The following OXR1 variants were observed in gnomAD, a reference collection of about 807,000 sequenced individuals.
OXR1 encodes the protein oxidation resistance protein 1.
A neutral mutation model predicts 104.6 loss-of-function variants in OXR1; 41 were observed. The ratio of observed to expected loss-of-function variants is 0.39; its 90% confidence interval spans 0.31 to 0.51. OXR1 has a LOEUF of 0.51. Ranked by LOEUF, OXR1 falls within the 20% of genes least tolerant of loss-of-function variation. OXR1 has a pLI of 0.77. For synonymous variants in OXR1, 348 were observed against 348.4 expected (o/e 1.00, Z 0.01); for missense variants, 955 against 1,031.9 (o/e 0.93, Z 1.02).
intron 1 of OXR1, among the ~76,000 whole-genome samples, chr8:106,274,420 C>T (rs965248635): frequency 1.2e-4 from 18 of 152,162 alleles, no homozygotes; most frequent in Admixed American, 1.3e-4. Context: ...CACCATTCCA[C>T]CCATTTTTGT....
At chr8:106,455,439 T>G (rs1015225478) in intron 2 of OXR1, among the ~76,000 whole-genome samples, 2 of 152,178 alleles carry the variant, frequency 1.3e-5, no homozygotes, top group African/African-American at 4.8e-5. Context: ...AAAGTCTCAG[T>G]TGAAATACTG....
chr8:106,276,121 C>G (rs884176), intron 1 of OXR1, among the ~76,000 whole-genome samples: 49,614 of 152,086 alleles, frequency 0.33, 12,135 homozygotes, highest in African/African-American at 0.69. Context: ...CTGATTTTGT[C>G]ATTCAGAATT....
intron 2 of OXR1, among the ~76,000 whole-genome samples, chr8:106,379,068 A>T (rs1817023949): frequency 6.6e-6 from 1 of 152,298 alleles, no homozygotes; most frequent in Non-Finnish European, 1.5e-5. Flanking sequence ...AACTAAGTTG[A>T]TTAGTATAGC....
chr8:106,295,713 G>A (rs1353062531), intron 1 of OXR1, among the ~76,000 whole-genome samples: 4 of 152,100 alleles, frequency 2.6e-5, no homozygotes, highest in Non-Finnish European at 5.9e-5. Context: ...AAGCTACGGT[G>A]TTTTCCATTC....
chr8:106,366,646 T>A (rs1055871408), intron 2 of OXR1, among the ~76,000 whole-genome samples: 1 of 152,220 alleles, frequency 6.6e-6, no homozygotes, highest in African/African-American at 2.4e-5. Flanking sequence ...AGGAGAACTC[T>A]GTGTGATAGG....
At chr8:106,487,249 C>A (rs1810727957) in intron 2 of OXR1, among the ~76,000 whole-genome samples, 1 of 151,664 alleles carries the variant, frequency 6.6e-6, no homozygotes, top group Non-Finnish European at 1.5e-5. Flanking sequence ...GTCTCGAACT[C>A]CTGACCTCAG....
chr8:106,352,110 G>A (rs1815751058), intron 1 of OXR1, among the ~76,000 whole-genome samples: 1 of 152,128 alleles, frequency 6.6e-6, no homozygotes, highest in Non-Finnish European at 1.5e-5. Flanking sequence ...AAACTGGAAA[G>A]GGGGGCTGGT....
At chr8:106,396,996 G>A (rs1586602068) in intron 2 of OXR1, among the ~76,000 whole-genome samples, 2 of 151,978 alleles carry the variant, frequency 1.3e-5, no homozygotes, top group African/African-American at 4.8e-5. Flanking sequence ...AAAACCCCCA[G>A]CAATTTGCAG....
intron 2 of OXR1, among the ~76,000 whole-genome samples, chr8:106,361,385 A>G (rs1011183690): frequency 1.3e-5 from 2 of 152,166 alleles, no homozygotes; most frequent in Admixed American, 6.5e-5. Context: ...GATTCTAGCT[A>G]GTGTTCTGCA....
At chr8:106,337,627 C>G (rs1373571083) in intron 1 of OXR1, among the ~76,000 whole-genome samples, 2 of 152,204 alleles carry the variant, frequency 1.3e-5, no homozygotes, top group African/African-American at 4.8e-5. Context: ...TTAAAAAATA[C>G]TTAAACATTG....
At chr8:106,698,247 A>G (rs560955510) in intron 7 of OXR1, among the ~76,000 whole-genome samples, 147 of 152,312 alleles carry the variant, frequency 9.7e-4, no homozygotes, top group African/African-American at 3.4e-3. Context: ...GTGTTTTTCT[A>G]AAGTGAAGTC....
intron 2 of OXR1, among the ~76,000 whole-genome samples, chr8:106,415,711 C>A (rs1278783044): frequency 1.3e-5 from 2 of 152,074 alleles, no homozygotes; most frequent in African/African-American, 4.8e-5. Context: ...GTTCTACTCA[C>A]ACTTATTGCT....
At chr8:106,553,981 T>C (rs1302464083) in intron 3 of OXR1, among the ~76,000 whole-genome samples, 1 of 152,260 alleles carries the variant, frequency 6.6e-6, no homozygotes, top group Non-Finnish European at 1.5e-5. Context: ...GCCAGTCATT[T>C]ATATATGAGT....
chr8:106,327,838 A>T (rs1485089003), intron 1 of OXR1, among the ~76,000 whole-genome samples: 1 of 152,214 alleles, frequency 6.6e-6, no homozygotes, highest in Non-Finnish European at 1.5e-5. Flanking sequence ...TTACTTCACC[A>T]TATAATGTAC....
intron 1 of OXR1, among the ~76,000 whole-genome samples, chr8:106,314,583 C>G (rs147732595): frequency 6.6e-6 from 1 of 152,284 alleles, no homozygotes; most frequent in Non-Finnish European, 1.5e-5. Flanking sequence ...CAGATTTACT[C>G]TATGCTAGGC....
At chr8:106,466,642 A>C (rs1821186810) in intron 2 of OXR1, among the ~76,000 whole-genome samples, 1 of 152,042 alleles carries the variant, frequency 6.6e-6, no homozygotes, top group Admixed American at 6.6e-5. Flanking sequence ...GTATAAATGT[A>C]GAAATAGAAT....
At chr8:106,510,802 T>C (rs1812474534) in intron 2 of OXR1, among the ~76,000 whole-genome samples, 1 of 152,214 alleles carries the variant, frequency 6.6e-6, no homozygotes, top group South Asian at 2.1e-4. Flanking sequence ...TAGAAAAGCA[T>C]AAATTTCTTA....
At chr8:106,470,633 A>G (rs1314299285) in intron 2 of OXR1, among the ~76,000 whole-genome samples, 2 of 151,808 alleles carry the variant, frequency 1.3e-5, no homozygotes, top group African/African-American at 4.8e-5. Flanking sequence ...AATTGTTTGC[A>G]TATAAATGGT....
intron 1 of OXR1, among the ~76,000 whole-genome samples, chr8:106,315,922 T>C (rs1484446144): frequency 6.6e-6 from 1 of 152,224 alleles, no homozygotes; most frequent in Non-Finnish European, 1.5e-5. Flanking sequence ...GTATTATTTT[T>C]AAACTTCGAC....
Sources: gnomAD v4.1 joint callset for allele counts (sites outside exome capture counted in the v4.1 genomes callset) on GRCh38, gnomAD v4.1.1 for gene constraint, MANE v1.5 for transcripts, NCBI Gene and HGNC (gene_info 2026-07-23, HGNC 2026-07-21) for gene names.